Variants in UHRF1 observed in about 807,000 individuals in gnomAD.
UHRF1 encodes E3 ubiquitin-protein ligase UHRF1.
A neutral mutation model predicts 96.5 loss-of-function variants in UHRF1; 9 were observed. That is an observed-to-expected ratio of 0.09 (90% confidence interval 0.06 to 0.16). The LOEUF is 0.16. Ranked by LOEUF, UHRF1 falls within the 10% of genes least tolerant of loss-of-function variation. UHRF1 has a pLI of 1.00. For synonymous variants in UHRF1, 455 were observed against 469.9 expected (o/e 0.97, Z 0.41); for missense variants, 626 against 1,131.1 (o/e 0.55, Z 6.40).
rs549130778 is a variant in UHRF1 at position 4,929,486 on chromosome 19, C to T, written c.408+10C>T. The T allele has an allele frequency of 4.4e-6, 7 of 1,605,412 alleles. No individual in the cohort carries two copies. The South Asian group carries it at 7.7e-5, about 18-fold the overall frequency. ...ATTGGGGCTGTACAAGGTGAGCCTC[C>T]CCTCCGCAGCTGCTCTGGGGTTGGA... On this transcript the variant is annotated intron_variant, in intron 3 of 16. Transcript: ENST00000650932.
intron 11 of UHRF1, among the ~76,000 whole-genome samples, chr19:4,948,578 G>C (rs1037739336): frequency 6.6e-6 from 1 of 150,672 alleles, no homozygotes; most frequent in African/African-American, 2.4e-5. Flanking sequence ...GTAGGTGGTG[G>C]ATCACCTGAG....
intron 16 of UHRF1, among the ~76,000 whole-genome samples, chr19:4,959,860 G>T (rs1302243444): frequency 3.3e-5 from 5 of 151,088 alleles, no homozygotes; most frequent in African/African-American, 4.9e-5. Context: ...TAATTTTTTT[G>T]TTTTTGTTTT....
chr19:4,952,795 G>A (rs556564302), intron 13 of UHRF1, among the ~76,000 whole-genome samples: 1 of 151,944 alleles, frequency 6.6e-6, no homozygotes, highest in South Asian at 2.1e-4. Flanking sequence ...AGGTACCTTC[G>A]AAATGGAGCG....
chr19:4,905,143 G>A (rs2032039987), upstream of UHRF1, among the ~76,000 whole-genome samples: 1 of 125,732 alleles, frequency 8.0e-6, no homozygotes, highest in African/African-American at 3.2e-5. Flanking sequence ...TTGAGACAGA[G>A]TCTTGCTCAG....
chr19:4,938,866 C>T lies in UHRF1; in HGVS notation c.786-2662C>T, dbSNP rs958669895. Among the ~76,000 whole-genome samples, 6 of 150,732 alleles carry T rather than the reference C, an allele frequency of 4.0e-5. No individual in the cohort carries two copies. The South Asian group carries it at 1.3e-3, about 32-fold the overall frequency. The stretch of plus-strand genomic sequence containing the variant: ...TCAAGCAATCCTCCAACCTCAGCCT[C>T]CCACGTAGCTGGGACCATAGGCGTG... On this transcript the variant is annotated intron_variant, in intron 5 of 16. Transcript: ENST00000650932.
chr19:4,953,269 G>A (rs1271176848), intron 13 of UHRF1, among the ~76,000 whole-genome samples: 1 of 152,158 alleles, frequency 6.6e-6, no homozygotes, highest in Non-Finnish European at 1.5e-5. Flanking sequence ...GGGACACTTC[G>A]AAGGTCCTCA....
At chr19:4,943,667 T>C (rs1183469172) in intron 7 of UHRF1, among the ~76,000 whole-genome samples, 1 of 152,094 alleles carries the variant, frequency 6.6e-6, no homozygotes, top group Non-Finnish European at 1.5e-5. Flanking sequence ...TCTTTTTTTT[T>C]TGAGATAGAG....
rs544067573 is a variant in UHRF1 at position 4,911,900 on chromosome 19, C to T, written c.153+862C>T. 1.7e-3 allele frequency among the ~76,000 whole-genome samples: 265 copies of T among 152,216 alleles called. 2 individuals carry two copies. Among genetic ancestry groups the T allele is most frequent in the South Asian group, 1.0e-3 (5 of 4,826 alleles). ...AGACTACTGGAACTGGATTAAAAGT[C>T]GTCAGTTGAGCTGCGTGTACCCCAC... On this transcript the variant is annotated intron_variant, in intron 2 of 16. Coordinates refer to ENST00000650932, the MANE Select transcript of UHRF1 (RefSeq NM_001048201.3).
chr19:4,914,623 C>T (rs1234951051), intron 2 of UHRF1, among the ~76,000 whole-genome samples: 2 of 149,492 alleles, frequency 1.3e-5, no homozygotes, highest in African/African-American at 2.5e-5. Flanking sequence ...GCCTAGGCAA[C>T]GGGAGAGGCA....
chr19:4,910,017 G>A (rs2032191988), intron 1 of UHRF1: 2 of 178,262 alleles, frequency 1.1e-5, no homozygotes, highest in Non-Finnish European at 2.3e-5. Flanking sequence ...GGAGCATCTG[G>A]GCCAATGGGG....
rs375681924 is a variant in UHRF1, at chr19:4,960,636, C to G, written c.2236-21C>G. ...CTGATGGTGTGGATGGCACTTCTCA[C>G]GCGCCTGCTGTGTCTTACAGGACTG... On this transcript the variant is annotated intron_variant, in intron 16 of 16. Transcript: ENST00000650932. The G allele has an allele frequency of 2.5e-6, 4 of 1,610,606 alleles. No homozygotes were observed. In the Admixed American group the frequency reaches 6.7e-5, roughly 27 times the overall value.
chr19:4,915,797 G>A (rs1202045161), intron 2 of UHRF1, among the ~76,000 whole-genome samples: 1 of 152,188 alleles, frequency 6.6e-6, no homozygotes, highest in East Asian at 1.9e-4. Context: ...CAATTAGATT[G>A]CATACTTTAA....
At chr19:4,953,793 C>T (rs916095305) in intron 13 of UHRF1, among the ~76,000 whole-genome samples, 3 of 152,090 alleles carry the variant, frequency 2.0e-5, no homozygotes, top group Non-Finnish European at 4.4e-5. Flanking sequence ...AGCCTGTAAT[C>T]CCAGCATTTT....
At chr19:4,916,622 C>T (rs540560936) in intron 2 of UHRF1, among the ~76,000 whole-genome samples, 2 of 152,188 alleles carry the variant, frequency 1.3e-5, no homozygotes, top group East Asian at 3.9e-4. Flanking sequence ...GCTGGGATGC[C>T]CTCGCGGCGC....
intron 2 of UHRF1, among the ~76,000 whole-genome samples, chr19:4,921,039 G>A (rs567859463): frequency 6.6e-6 from 1 of 151,972 alleles, no homozygotes; most frequent in African/African-American, 2.4e-5. Context: ...CAGGAGAATC[G>A]CTTGAACCCA....
rs985069179 is a variant in UHRF1 at position 4,947,490 on chromosome 19, C to CTTTTTTTTTTTTTTTTTT, written c.1517+291_1517+308dup. ...CTATAAAAGGCCAGATAATAGATAT[C>CTTTTTTTTTTTTTTTTTT]TTTTTTTTTTTTTTTTTTTTTTTTT... On this transcript the variant is annotated intron_variant, in intron 11 of 16. Transcript: ENST00000650932. 3.3e-4 allele frequency among the ~76,000 whole-genome samples: 19 copies of CTTTTTTTTTTTTTTTTTT among 57,890 alleles called. 3 individuals are homozygous for CTTTTTTTTTTTTTTTTTT. Among genetic ancestry groups the CTTTTTTTTTTTTTTTTTT allele is most frequent in the Non-Finnish European group, 3.1e-4 (10 of 32,216 alleles). The allele number at this position is 57,890 out of a possible 152,430, so 38.0% of individuals were successfully genotyped here.
upstream of UHRF1, among the ~76,000 whole-genome samples, chr19:4,908,228 G>A (rs139252034): frequency 5.7e-4 from 87 of 152,260 alleles, no homozygotes; most frequent in African/African-American, 2.0e-3. Flanking sequence ...CAGATCCTGG[G>A]GGCGAGGACG....
chr19:4,927,726 G>A (rs943280369), intron 2 of UHRF1, among the ~76,000 whole-genome samples: 2 of 152,238 alleles, frequency 1.3e-5, no homozygotes, highest in Admixed American at 1.3e-4. Flanking sequence ...GGAGGCCAGG[G>A]CCGCTGCAGT....
In UHRF1 at chr19:4,954,629, A is replaced by G; in HGVS notation, c.1958-21A>G. ...AGCTCGGGCCACGCGCCCCTCCCTC[A>G]CGCGCCCCACCCTCTTCCAGGAGGT... On this transcript the variant is annotated intron_variant, in intron 14 of 16. Coordinates refer to ENST00000650932, the MANE Select transcript of UHRF1 (RefSeq NM_001048201.3). The surrounding 1 kb of genome is among the most constrained non-coding windows in gnomAD (Gnocchi z 5.9). 2 of 1,609,620 alleles carry G rather than the reference A, an allele frequency of 1.2e-6. No individual in the cohort carries two copies. Among genetic ancestry groups the G allele is most frequent in the Non-Finnish European group, 1.7e-6 (2 of 1,177,904 alleles).
Sources: gnomAD v4.1 joint callset for allele counts (sites outside exome capture counted in the v4.1 genomes callset) on GRCh38, gnomAD v4.1.1 for gene constraint, Gnocchi (gnomAD v3.1) non-coding constraint, MANE v1.5 for transcripts, NCBI Gene and HGNC (gene_info 2026-07-23, HGNC 2026-07-21) for gene names.